MCPH1: variants seen among roughly 807,000 people sequenced by gnomAD.
The protein encoded by MCPH1 is microcephalin 1, also known as microcephalin.
Under a neutral mutation model 84.5 loss-of-function variants are expected in MCPH1, and 104 were observed. The ratio of observed to expected loss-of-function variants is 1.23; its 90% CI spans 1.05 to 1.45. The LOEUF (loss-of-function observed/expected upper bound fraction) is 1.45. MCPH1 is among the 40% of genes most tolerant of loss of function. The pLI, the probability that MCPH1 is intolerant of heterozygous loss-of-function variation, is 0.00. For synonymous variants in MCPH1, 514 were observed against 366.8 expected (o/e 1.40, Z -4.58); for missense variants, 1,498 against 1,005.7 (o/e 1.49, Z -6.62).
Position 6,644,762 on chromosome 8 carries a change from T to G in MCPH1, c.*1713T>G, listed in dbSNP as rs2129584257. The G allele has an allele frequency of 6.6e-6, 1 of 152,326 alleles. No homozygotes were observed. The highest frequency in any genetic ancestry group is 1.5e-5 in the Non-Finnish European group (1 of 68,026). The allele number at this position is 152,326 out of a possible 1,614,324, so 9.4% of individuals were successfully genotyped here. A position where few individuals can be genotyped will look rare whatever the true frequency, so the allele number is the denominator to read the frequency against. ...TTTATCTGTTGCTCATCTCAGCTGT[T>G]GTTCCTACCTCAAATTTCAAGTCCC... On this transcript the variant is annotated 3_prime_UTR_variant, in exon 14 of 14. Coordinates refer to ENST00000344683, the MANE Select transcript of MCPH1 (RefSeq NM_024596.5).
intron 9 of MCPH1, chr8:6,474,346 A>G (rs1808156292): frequency 7.1e-6 from 3 of 420,834 alleles, no homozygotes; most frequent in East Asian, 9.6e-5. Context: ...ACACGTTTCT[A>G]TCACCAAGTC....
rs551854014 is a variant in MCPH1, at chr8:6,415,169, G to C, written c.233+286G>C. 8.5e-5 allele frequency among the ~76,000 whole-genome samples: 13 copies of C among 152,198 alleles called. No individual in the cohort carries two copies. In the South Asian group the frequency reaches 2.7e-3, roughly 32 times the overall value. On this transcript the variant is annotated intron_variant, in intron 3 of 13. Coordinates refer to ENST00000344683, the MANE Select transcript of MCPH1 (RefSeq NM_024596.5). ...GAGGGAATGTGATGAAGCAGATTGT[G>C]TTAGTCAGCAAGCGCTGCTGTAACA...
At chr8:6,593,465 C>T (rs1357616433) in intron 12 of MCPH1, among the ~76,000 whole-genome samples, 1 of 152,168 alleles carries the variant, frequency 6.6e-6, no homozygotes, top group African/African-American at 2.4e-5. Flanking sequence ...AGTGATTCTC[C>T]TGCCTCAGCC....
chr8:6,531,137 G>T (rs1340462011), intron 12 of MCPH1, among the ~76,000 whole-genome samples: 1 of 152,006 alleles, frequency 6.6e-6, no homozygotes, highest in Non-Finnish European at 1.5e-5. Context: ...TGGAGCGTCT[G>T]CATTTGTACT....
chr8:6,624,345 G>C (rs910902620), intron 13 of MCPH1, among the ~76,000 whole-genome samples: 1 of 152,190 alleles, frequency 6.6e-6, no homozygotes, highest in African/African-American at 2.4e-5. Context: ...GTGTGCTGCA[G>C]ACCTCACCCA....
At chr8:6,454,612 C>A (rs1299883724) in intron 8 of MCPH1, among the ~76,000 whole-genome samples, 1 of 152,116 alleles carries the variant, frequency 6.6e-6, no homozygotes, top group South Asian at 2.1e-4. Context: ...AATGAGTATC[C>A]TTTTGGTTTG....
In MCPH1 at chr8:6,643,187, T is replaced by A; in HGVS notation, c.*138T>A. ...CTGATATCATGTTTGCCATGTGTTG[T>A]GGTTCTTAAGAACTCATAGGTGACT... On this transcript the variant is annotated 3_prime_UTR_variant, in exon 14 of 14. Transcript: ENST00000344683. 2.5e-6 allele frequency: 2 copies of A among 786,754 alleles called. No individual in the cohort carries two copies. Among genetic ancestry groups the A allele is most frequent in the Non-Finnish European group, 4.4e-6 (2 of 457,578 alleles). 48.7% of individuals were successfully genotyped at this position (786,754 alleles called of 1,614,324 possible).
At chr8:6,537,319 T>A (rs1820680155) in intron 12 of MCPH1, among the ~76,000 whole-genome samples, 1 of 152,134 alleles carries the variant, frequency 6.6e-6, no homozygotes, top group African/African-American at 2.4e-5. Context: ...CTCTTCTTGA[T>A]GGTTGACACA....
chr8:6,522,051 A>C (rs1817451246), intron 12 of MCPH1, among the ~76,000 whole-genome samples: 1 of 152,124 alleles, frequency 6.6e-6, no homozygotes. Flanking sequence ...TGAGGAACAA[A>C]TGGGTTTTAA....
chr8:6,630,357 T>C (rs1397162675), intron 13 of MCPH1, among the ~76,000 whole-genome samples: 5 of 152,210 alleles, frequency 3.3e-5, no homozygotes, highest in African/African-American at 4.8e-5. Flanking sequence ...TAAGAGAGCA[T>C]GATGAACAAT....
chr8:6,537,529 A>C (rs978729900), intron 12 of MCPH1, among the ~76,000 whole-genome samples: 5 of 146,496 alleles, frequency 3.4e-5, no homozygotes, highest in Non-Finnish European at 7.5e-5. Flanking sequence ...AACCAGGATG[A>C]AATATTTTAA....
At chr8:6,551,382 T>C in intron 12 of MCPH1, among the ~76,000 whole-genome samples, 1 of 148,728 alleles carries the variant, frequency 6.7e-6, no homozygotes, top group South Asian at 2.1e-4. Flanking sequence ...GCCAATTATG[T>C]AACTGTAAAC....
chr8:6,604,509 G>C (rs193281706), intron 12 of MCPH1, among the ~76,000 whole-genome samples: 2 of 142,426 alleles, frequency 1.4e-5, no homozygotes, highest in African/African-American at 4.9e-5. Flanking sequence ...TACGTTTGCT[G>C]TTGTTGTTGT....
At chr8:6,548,330 C>A (rs75678600) in intron 12 of MCPH1, among the ~76,000 whole-genome samples, 1 of 152,156 alleles carries the variant, frequency 6.6e-6, no homozygotes, top group Non-Finnish European at 1.5e-5. Flanking sequence ...GCTGTTGGTC[C>A]CCTGCCACTT....
At chr8:6,418,685 G>A (rs556756565) in intron 3 of MCPH1, among the ~76,000 whole-genome samples, 4 of 152,186 alleles carry the variant, frequency 2.6e-5, no homozygotes, top group Admixed American at 6.5e-5. Flanking sequence ...CTGGTTCAGC[G>A]ATTCTCCTGC....
At position 6,646,742 on chromosome 8, in the gene MCPH1, CCT is replaced by C. The variant is rs1798234394; in HGVS notation, c.*3694_*3695del. 1 of 152,222 alleles carries C rather than the reference CCT, an allele frequency of 6.6e-6. No homozygotes were observed. The highest frequency in any genetic ancestry group is 1.5e-5 in the Non-Finnish European group (1 of 68,052). 9.4% of individuals were successfully genotyped at this position (152,222 alleles called of 1,614,324 possible). A position where few individuals can be genotyped will look rare whatever the true frequency, so the allele number is the denominator to read the frequency against. On this transcript the variant is annotated 3_prime_UTR_variant, in exon 14 of 14. Coordinates refer to ENST00000344683, the MANE Select transcript of MCPH1 (RefSeq NM_024596.5). ...TATTAGATGCCAGTGGCATCCCTCCCCTGACACACACCTAGTTTTGACAATCT... is the reference window on the plus strand; with the variant it reads ...TATTAGATGCCAGTGGCATCCCTCCCGACACACACCTAGTTTTGACAATCT...
chr8:6,521,124 G>C, intron 12 of MCPH1: 1 of 1,466,350 alleles, frequency 6.8e-7, no homozygotes, highest in South Asian at 1.2e-5. Context: ...TCTTTTGAGT[G>C]TTTTACTGAC....
chr8:6,587,968 C>G (rs1165852191), intron 12 of MCPH1, among the ~76,000 whole-genome samples: 2 of 152,198 alleles, frequency 1.3e-5, no homozygotes, highest in Non-Finnish European at 2.9e-5. Flanking sequence ...GCTCAGGCTC[C>G]CCTCAACCTG....
intron 4 of MCPH1, among the ~76,000 whole-genome samples, chr8:6,433,679 A>C (rs1404711409): frequency 6.6e-6 from 1 of 151,250 alleles, no homozygotes; most frequent in African/African-American, 2.4e-5. Flanking sequence ...ACTCTGACCA[A>C]TATTGGATGT....
Sources: gnomAD v4.1 joint callset for allele counts (sites outside exome capture counted in the v4.1 genomes callset) on GRCh38, gnomAD v4.1.1 for gene constraint, MANE v1.5 for transcripts, NCBI Gene and HGNC (gene_info 2026-07-23, HGNC 2026-07-21) for gene names.